SPTSSB: variants seen among roughly 807,000 people sequenced by gnomAD.
The protein encoded by SPTSSB is serine palmitoyltransferase small subunit B, also known as androgen down regulated in mouse prostate.
In SPTSSB, 6 loss-of-function variants were observed where a neutral mutation model predicts 7.7. That is an observed-to-expected ratio of 0.78 (90% CI 0.43 to 1.54). The LOEUF (loss-of-function observed/expected upper bound fraction) is 1.54, where lower values mean the gene tolerates loss of function less well. Among genes scored for constraint, SPTSSB ranks in the 40% most tolerant of loss-of-function variants. SPTSSB has a pLI of 0.01. For missense variants in SPTSSB, 91 were observed against 93.0 expected (o/e 0.98, Z 0.09); for synonymous variants, 28 against 29.7 (o/e 0.94, Z 0.19).
At chr3:161,350,726 T>C (rs1044825009) in intron 2 of SPTSSB, among the ~76,000 whole-genome samples, 1 of 152,128 alleles carries the variant, frequency 6.6e-6, no homozygotes, top group Non-Finnish European at 1.5e-5. Flanking sequence ...AAATTAGAAA[T>C]ACAGCGATTT....
chr3:161,356,302 T>C (rs1305191967), intron 2 of SPTSSB, among the ~76,000 whole-genome samples: 3 of 152,240 alleles, frequency 2.0e-5, no homozygotes, highest in Admixed American at 6.5e-5. Context: ...GGCCTTTGTT[T>C]TTCTTAAGAG....
intron 1 of SPTSSB, among the ~76,000 whole-genome samples, chr3:161,360,926 C>T (rs1048027708): frequency 4.6e-5 from 7 of 152,032 alleles, no homozygotes; most frequent in East Asian, 1.9e-4. Flanking sequence ...AATAAATAAG[C>T]GGTCCAATAT....
intron 2 of SPTSSB, among the ~76,000 whole-genome samples, chr3:161,356,454 TGTCAGGAGTAC>T (rs1217763730): frequency 6.6e-6 from 1 of 152,238 alleles, no homozygotes; most frequent in Non-Finnish European, 1.5e-5. Flanking sequence ...AATATTGATC[TGTCAGGAGTAC>T]GTTGTTCTCA....
chr3:161,349,173 AG>A (rs1441382019), intron 2 of SPTSSB, among the ~76,000 whole-genome samples: 3 of 152,328 alleles, frequency 2.0e-5, no homozygotes, highest in Admixed American at 1.3e-4. Context: ...AAGGCATTAC[AG>A]GCAGGAGATG....
chr3:161,361,400 G>T (rs1000057879), intron 1 of SPTSSB, among the ~76,000 whole-genome samples: 6 of 152,114 alleles, frequency 3.9e-5, no homozygotes, highest in African/African-American at 1.2e-4. Flanking sequence ...AAATCTCACC[G>T]ATTCTAAGAT....
chr3:161,348,866 A>C (rs1156573011), intron 2 of SPTSSB, among the ~76,000 whole-genome samples: 1 of 152,166 alleles, frequency 6.6e-6, no homozygotes, highest in Non-Finnish European at 1.5e-5. Flanking sequence ...TTATCATGAG[A>C]AGGTGAGAAG....
At chr3:161,357,541 A>T (rs920553294) in intron 2 of SPTSSB, among the ~76,000 whole-genome samples, 1 of 152,208 alleles carries the variant, frequency 6.6e-6, no homozygotes, top group Non-Finnish European at 1.5e-5. Context: ...AAATACTTAT[A>T]TTGGGATTTT....
chr3:161,362,207 A>G (rs182738455), intron 1 of SPTSSB, among the ~76,000 whole-genome samples: 1 of 152,212 alleles, frequency 6.6e-6, no homozygotes, highest in African/African-American at 2.4e-5. Flanking sequence ...ACCTAAATCA[A>G]TTTTACTTAA....
chr3:161,354,759 T>C (rs1326104732), intron 2 of SPTSSB, among the ~76,000 whole-genome samples: 1 of 152,250 alleles, frequency 6.6e-6, no homozygotes, highest in Non-Finnish European at 1.5e-5. Flanking sequence ...ACATGGCATG[T>C]GTTGAGTAAC....
At chr3:161,350,409 T>C (rs190231818) in intron 2 of SPTSSB, among the ~76,000 whole-genome samples, 1 of 152,306 alleles carries the variant, frequency 6.6e-6, no homozygotes, top group Admixed American at 6.5e-5. Flanking sequence ...TTGGTTTAAA[T>C]TTACTTCTAG....
intron 2 of SPTSSB, among the ~76,000 whole-genome samples, chr3:161,352,887 A>G (rs1244236758): frequency 1.3e-5 from 2 of 152,164 alleles, no homozygotes; most frequent in Non-Finnish European, 2.9e-5. Context: ...GGAATAAGAA[A>G]GACTTATGAA....
At chr3:161,361,459 T>G (rs1295194983) in intron 1 of SPTSSB, among the ~76,000 whole-genome samples, 1 of 152,198 alleles carries the variant, frequency 6.6e-6, no homozygotes, top group South Asian at 2.1e-4. Context: ...TTATTTACTT[T>G]GTTAAAATGT....
intron 1 of SPTSSB, among the ~76,000 whole-genome samples, 176 bp from the exon 2 acceptor site, chr3:161,360,070 GA>G (rs1301273793): frequency 1.3e-5 from 2 of 152,108 alleles, no homozygotes; most frequent in African/African-American, 2.4e-5. Flanking sequence ...ATTATTTTTA[GA>G]AAAGGTCACA....
intron 2 of SPTSSB, among the ~76,000 whole-genome samples, chr3:161,353,614 C>T (rs1413455217): frequency 3.3e-5 from 5 of 151,994 alleles, no homozygotes; most frequent in African/African-American, 9.7e-5. Flanking sequence ...TCACAAGCTG[C>T]ATCTTCATGT....
intron 2 of SPTSSB, among the ~76,000 whole-genome samples, chr3:161,349,936 A>G (rs62279922): frequency 0.038 from 5,803 of 152,308 alleles, 133 homozygotes; most frequent in Middle Eastern, 0.054. Context: ...AGATGAAGTT[A>G]CATCTCCTCT....
At chr3:161,354,664 T>C (rs1434955205) in intron 2 of SPTSSB, among the ~76,000 whole-genome samples, 2 of 152,232 alleles carry the variant, frequency 1.3e-5, no homozygotes, top group Admixed American at 1.3e-4. Flanking sequence ...TTTTATTACC[T>C]TCCATTTGTA....
intron 1 of SPTSSB, among the ~76,000 whole-genome samples, chr3:161,365,635 G>T (rs560131844): frequency 6.6e-6 from 1 of 152,348 alleles, no homozygotes; most frequent in Admixed American, 6.5e-5. Flanking sequence ...TTGAATGAAT[G>T]AATGAGAATT....
intron 2 of SPTSSB, among the ~76,000 whole-genome samples, chr3:161,349,639 T>C (rs1714426500): frequency 6.6e-6 from 1 of 152,328 alleles, no homozygotes; most frequent in East Asian, 1.9e-4. Flanking sequence ...TTAAAAATGT[T>C]CTTAGATCTT....
chr3:161,351,660 A>G (rs1280585109), intron 2 of SPTSSB, among the ~76,000 whole-genome samples: 1 of 152,150 alleles, frequency 6.6e-6, no homozygotes, highest in Middle Eastern at 3.2e-3. Context: ...TCAAAAGAAT[A>G]CTTTGCAGAG....
Sources: allele counts gnomAD v4.1 joint callset (sites outside exome capture counted in the v4.1 genomes callset), GRCh38; gene constraint gnomAD v4.1.1; transcripts MANE v1.5; gene names NCBI Gene and HGNC (gene_info 2026-07-23, HGNC 2026-07-21).